The following ARHGAP5 variants were observed in gnomAD, a reference collection of about 807,000 sequenced individuals.
The protein encoded by ARHGAP5 is rho GTPase-activating protein 5.
In ARHGAP5, 23 loss-of-function variants were observed where a neutral mutation model predicts 116.6. The observed-to-expected ratio is 0.20, with a 90% confidence interval of 0.14 to 0.28. The LOEUF (loss-of-function observed/expected upper bound fraction) is 0.28. ARHGAP5 is among the 10% of genes least tolerant of loss of function. The probability of loss-of-function intolerance (pLI) is 1.00; values close to 1 mark genes in which losing one functional copy is unlikely to be tolerated. For synonymous variants in ARHGAP5, 574 were observed against 602.0 expected, an observed-to-expected ratio of 0.95 and a Z score of 0.68; for missense variants, 1,405 against 1,774.8, an observed-to-expected ratio of 0.79 and a Z score of 3.74.
intron 3 of ARHGAP5, among the ~76,000 whole-genome samples, chr14:32,122,614 A>G (rs1205963183): frequency 6.6e-6 from 1 of 152,140 alleles, no homozygotes; most frequent in Non-Finnish European, 1.5e-5. Flanking sequence ...GATTTATTCC[A>G]TTTATCTTCC....
intron 2 of ARHGAP5, among the ~76,000 whole-genome samples, chr14:32,109,480 A>G (rs1879183091): frequency 6.6e-6 from 1 of 152,006 alleles, no homozygotes; most frequent in African/African-American, 2.4e-5. Flanking sequence ...CCCTTTATAT[A>G]GGGTAGGTTG....
intron 2 of ARHGAP5, among the ~76,000 whole-genome samples, chr14:32,102,337 C>A (rs1274601886): frequency 1.3e-5 from 2 of 152,192 alleles, no homozygotes; most frequent in Admixed American, 1.3e-4. Flanking sequence ...CTAACCAATA[C>A]AGTCTGTCCA....
intron 4 of ARHGAP5, among the ~76,000 whole-genome samples, chr14:32,149,048 A>AT (rs544689007): frequency 8.3e-4 from 126 of 152,138 alleles, no homozygotes; most frequent in African/African-American, 2.8e-3. Context: ...TGGATTTCAG[A>AT]TTTTTTTCAA....
chr14:32,094,295 G>A lies in ARHGAP5; in HGVS notation c.3626G>A (p.Gly1209Asp). Residue 1209 changes from glycine to aspartate, a missense_variant, in exon 2 of 7, where the codon GGT becomes GAT. Transcript: ENST00000345122. ...CTTTCTCCTGTTGAAACTTGGAAAGGTGGTATTGATAATCCTGCAATCACT... is the reference window on the plus strand; with the variant it reads ...CTTTCTCCTGTTGAAACTTGGAAAGATGGTATTGATAATCCTGCAATCACT... ...PLLSPVETWK[G>D]GIDNPAITSD... The A allele has an allele frequency of 6.2e-7, 1 of 1,613,790 alleles. No individual in the cohort carries two copies.
intron 1 of ARHGAP5, chr14:32,078,327 TA>T (rs1248698532): frequency 1.3e-5 from 2 of 152,182 alleles, no homozygotes; most frequent in African/African-American, 4.8e-5. Context: ...GGCCGTTTAG[TA>T]AAATCCCGAA....
chr14:32,080,040 G>A (rs2138992104), intron 1 of ARHGAP5, among the ~76,000 whole-genome samples: 1 of 152,234 alleles, frequency 6.6e-6, no homozygotes, highest in East Asian at 1.9e-4. Flanking sequence ...TCAGTAATTT[G>A]AGTAATCAGG....
chr14:32,158,385 G>A lies in ARHGAP5; in HGVS notation c.*3437G>A, dbSNP rs993968706. 6.6e-6 allele frequency: 1 copy of A among 151,858 alleles called. No individual in the cohort carries two copies. Among genetic ancestry groups the A allele is most frequent in the African/African-American group, 2.4e-5 (1 of 41,410 alleles). The allele number at this position is 151,858 out of a possible 1,614,324, so 9.4% of individuals were successfully genotyped here. ...ATAATGCACAGATTTCTAAGACTAA[G>A]ATCTTACCTGGATGTGATTTTTGAG... On this transcript the variant is annotated 3_prime_UTR_variant, in exon 7 of 7. Coordinates refer to ENST00000345122, the MANE Select transcript of ARHGAP5 (RefSeq NM_001030055.2).
At position 32,102,957 on chromosome 14, in the gene ARHGAP5, AAAATT is replaced by A. The variant is rs1277979515; in HGVS notation, c.3717+8576_3717+8580del. Among the ~76,000 whole-genome samples, 10 of 152,212 alleles carry A rather than the reference AAAATT, an allele frequency of 6.6e-5. No individual in the cohort carries two copies. In the East Asian group the frequency reaches 1.9e-3, roughly 29 times the overall value. Reference sequence around the variant, plus strand: ...CAGTCTAATAAAATTGATTTTGCTGAAAATTAAATATGTTTTATATTTTCAACAAG... The same window carrying A: ...CAGTCTAATAAAATTGATTTTGCTGAAAATATGTTTTATATTTTCAACAAG... On this transcript the variant is annotated intron_variant, in intron 2 of 6. Coordinates refer to ENST00000345122, the MANE Select transcript of ARHGAP5 (RefSeq NM_001030055.2).
At chr14:32,126,659 A>C (rs938036980) in intron 3 of ARHGAP5, among the ~76,000 whole-genome samples, 5 of 152,204 alleles carry the variant, frequency 3.3e-5, no homozygotes, top group Non-Finnish European at 5.9e-5. Flanking sequence ...TAGTTTGTTG[A>C]GTGATGACAA....
Position 32,152,537 on chromosome 14 carries a change from A to AT in ARHGAP5, c.4181+16dup, listed in dbSNP as rs781386990. 28 of 1,496,472 alleles carry AT rather than the reference A, an allele frequency of 1.9e-5. No individual in the cohort carries two copies. The African/African-American group carries it at 2.7e-4, about 15-fold the overall frequency. The allele number at this position is 1,496,472 out of a possible 1,614,324, so 92.7% of individuals were successfully genotyped here. ...ATAACACATCTAAACAGGTATTTTT[A>AT]TTTTTTTAGGGTTTTTTGGCAAATA... On this transcript the variant is annotated intron_variant, in intron 6 of 6. Transcript: ENST00000345122.
rs1284216290 is a variant in ARHGAP5, at chr14:32,158,259, G to T, written c.*3311G>T. 1 of 151,722 alleles carries T rather than the reference G, an allele frequency of 6.6e-6. No homozygotes were observed. Among genetic ancestry groups the T allele is most frequent in the African/African-American group, 2.4e-5 (1 of 41,384 alleles). 9.4% of individuals were successfully genotyped at this position (151,722 alleles called of 1,614,324 possible). A position where few individuals can be genotyped will look rare whatever the true frequency, so the allele number is the denominator to read the frequency against. On this transcript the variant is annotated 3_prime_UTR_variant, in exon 7 of 7. Transcript: ENST00000345122. ...ATGATGGAAATCTTATTAAGGAGAT[G>T]TATTATTGAATTTTCACTGTACCTG...
At chr14:32,115,986 C>T (rs1288423936) in intron 2 of ARHGAP5, among the ~76,000 whole-genome samples, 1 of 148,086 alleles carries the variant, frequency 6.8e-6, no homozygotes, top group Non-Finnish European at 1.5e-5. Context: ...TAGAGCGAGA[C>T]TCCGTCTAAA....
intron 3 of ARHGAP5, among the ~76,000 whole-genome samples, chr14:32,119,450 G>C (rs1321420540): frequency 6.6e-6 from 1 of 152,028 alleles, no homozygotes; most frequent in African/African-American, 2.4e-5. Flanking sequence ...AATATTGACA[G>C]TTTTAAGAAT....
rs1881911290 is a variant in ARHGAP5, at chr14:32,156,723, T to G, written c.*1775T>G. The G allele has an allele frequency of 6.6e-6, 1 of 152,382 alleles. No homozygotes were observed. The highest frequency in any genetic ancestry group is 1.5e-5 in the Non-Finnish European group (1 of 67,820). The allele number at this position is 152,382 out of a possible 1,614,324, so 9.4% of individuals were successfully genotyped here. On this transcript the variant is annotated 3_prime_UTR_variant, in exon 7 of 7. Transcript: ENST00000345122. ...TAGCTTTAATTTATAGTTGTCAGTTTAACTATTGGCATGTCTGGCAAAGAA... is the reference window on the plus strand; with the variant it reads ...TAGCTTTAATTTATAGTTGTCAGTTGAACTATTGGCATGTCTGGCAAAGAA...
intron 2 of ARHGAP5, among the ~76,000 whole-genome samples, chr14:32,095,422 T>G (rs916428411): frequency 2.0e-5 from 3 of 150,126 alleles, no homozygotes; most frequent in African/African-American, 7.4e-5. Flanking sequence ...TTTTGTTTTT[T>G]TTTTTTTGAG....
intron 4 of ARHGAP5, among the ~76,000 whole-genome samples, chr14:32,149,457 G>C (rs1444163211): frequency 1.3e-5 from 2 of 152,008 alleles, no homozygotes; most frequent in African/African-American, 4.8e-5. Context: ...TCCCTGATCT[G>C]TGTAGTTTGT....
Position 32,077,428 on chromosome 14 carries a change from G to C in ARHGAP5, c.-176G>C, listed in dbSNP as rs1384561101. 1.4e-6 allele frequency: 1 copy of C among 706,114 alleles called. No individual in the cohort carries two copies. The highest frequency in any genetic ancestry group is 2.6e-6 in the Non-Finnish European group (1 of 387,116). 43.7% of individuals were successfully genotyped at this position (706,114 alleles called of 1,614,324 possible). On this transcript the variant is annotated 5_prime_UTR_variant, in exon 1 of 7. Coordinates refer to ENST00000345122, the MANE Select transcript of ARHGAP5 (RefSeq NM_001030055.2). ...TGAGGAGGAGACGGAGGAGACCGAC[G>C]TTGTTAGGTAGGACCTTGCGGACCC...
At chr14:32,084,462 G>A (rs969021321) in intron 1 of ARHGAP5, among the ~76,000 whole-genome samples, 2 of 152,068 alleles carry the variant, frequency 1.3e-5, no homozygotes, top group African/African-American at 2.4e-5. Context: ...TGTTAATTGT[G>A]TTTACAAGTG....
intron 3 of ARHGAP5, among the ~76,000 whole-genome samples, chr14:32,143,093 G>A (rs1881199434): frequency 6.6e-6 from 1 of 152,040 alleles, no homozygotes; most frequent in South Asian, 2.1e-4. Context: ...ATAAAACTTA[G>A]GCCATTCTAA....
Sources: allele counts gnomAD v4.1 joint callset (sites outside exome capture counted in the v4.1 genomes callset), GRCh38; gene constraint gnomAD v4.1.1; transcripts MANE v1.5; gene names NCBI Gene and HGNC (gene_info 2026-07-23, HGNC 2026-07-21).